PIK3C2G: variants seen among roughly 807,000 people sequenced by gnomAD.
PIK3C2G encodes phosphatidylinositol 3-kinase C2 domain-containing subunit gamma.
PIK3C2G carries 168 observed loss-of-function variants against 181.1 expected under a neutral mutation model. The ratio of observed to expected loss-of-function variants is 0.93; its 90% confidence interval spans 0.82 to 1.05. The LOEUF (loss-of-function observed/expected upper bound fraction) is 1.05. Ranked by LOEUF, PIK3C2G falls within the 50% of genes least tolerant of loss-of-function variation. The probability of loss-of-function intolerance (pLI) is 0.00; values close to 1 mark genes in which losing one functional copy is unlikely to be tolerated. For synonymous variants in PIK3C2G, 573 were observed against 592.2 expected (o/e 0.97, Z 0.47); for missense variants, 1,869 against 1,732.8 (o/e 1.08, Z -1.40).
downstream of PIK3C2G, among the ~76,000 whole-genome samples, chr12:18,652,583 A>G (rs1051353128): frequency 6.6e-6 from 1 of 152,128 alleles, no homozygotes; most frequent in Non-Finnish European, 1.5e-5. Flanking sequence ...TTGGGTCATC[A>G]TCTGTTGTGT....
chr12:18,373,479 G>C lies in PIK3C2G; in HGVS notation c.1880+2168G>C, dbSNP rs117105790. On this transcript the variant is annotated intron_variant, in intron 13 of 32. Transcript: ENST00000538779. ...TGATTAAACTCAGATAAATCAGTTA[G>C]GGCTGCATCAACAAAGTCTGAAAAT... 7.1e-3 allele frequency among the ~76,000 whole-genome samples: 1,075 copies of C among 152,262 alleles called. 46 individuals carry two copies. Among genetic ancestry groups the C allele is most frequent in the East Asian group, 0.049 (254 of 5,178 alleles).
chr12:18,252,259 C>T (rs1948102428), intron 1 of PIK3C2G, among the ~76,000 whole-genome samples: 1 of 152,122 alleles, frequency 6.6e-6, no homozygotes, highest in African/African-American at 2.4e-5. Context: ...AGGTTAGTCT[C>T]TCACCCTGCT....
chr12:18,711,411 C>T, the PIK3C2G span, among the ~76,000 whole-genome samples: 2 of 146,296 alleles, frequency 1.4e-5, no homozygotes, highest in African/African-American at 2.5e-5. Flanking sequence ...GGAGGGATAG[C>T]ATTAGGAGAT....
chr12:18,394,680 A>G (rs746007247), intron 15 of PIK3C2G, among the ~76,000 whole-genome samples: 2 of 152,038 alleles, frequency 1.3e-5, no homozygotes, highest in African/African-American at 4.8e-5. Context: ...AAATGGGCTT[A>G]ATAGATTGTG....
the PIK3C2G span, among the ~76,000 whole-genome samples, chr12:18,658,335 G>A: frequency 6.6e-6 from 1 of 152,074 alleles, no homozygotes; most frequent in Non-Finnish European, 1.5e-5. Context: ...ACATCCAAGA[G>A]GCTCAACAAA....
chr12:18,455,056 A>G (rs550659503), intron 18 of PIK3C2G, among the ~76,000 whole-genome samples: 1 of 152,300 alleles, frequency 6.6e-6, no homozygotes, highest in Non-Finnish European at 1.5e-5. Flanking sequence ...AGCTCACTCA[A>G]GTGATTGCTG....
intron 27 of PIK3C2G, 96 bp from the exon 28 acceptor site, chr12:18,563,281 G>T: frequency 1.8e-6 from 2 of 1,096,776 alleles, no homozygotes; most frequent in Non-Finnish European, 2.6e-6. Context: ...TTGCAGAAAG[G>T]TACTTCCTTT....
chr12:18,321,924 C>G (rs1278519079), intron 7 of PIK3C2G, among the ~76,000 whole-genome samples: 1 of 152,124 alleles, frequency 6.6e-6, no homozygotes, highest in Non-Finnish European at 1.5e-5. Flanking sequence ...GAACAACACA[C>G]ACTGGGGCCC....
At chr12:18,443,208 A>T (rs1195418282) in intron 18 of PIK3C2G, among the ~76,000 whole-genome samples, 1 of 152,114 alleles carries the variant, frequency 6.6e-6, no homozygotes. Flanking sequence ...ATTACCTGGA[A>T]CCTAAACTGA....
rs1044109683 is a variant in PIK3C2G, at chr12:18,538,262, TATA to T, written c.3434_3436del (p.Asn1145del). The stretch of plus-strand genomic sequence containing the variant: ...TTTTGTGGAACTTTGCTGTCGTGCT[TATA>T]ATATTATCAGAAAGCACAGCCAACT... On this transcript the variant is annotated inframe_deletion, in exon 25 of 33. Coordinates refer to ENST00000538779, the MANE Select transcript of PIK3C2G (RefSeq NM_001288772.2). 6.2e-7 allele frequency: 1 copy of T among 1,611,964 alleles called. No individual in the cohort carries two copies. The highest frequency in any genetic ancestry group is 1.3e-5 in the African/African-American group (1 of 74,748).
chr12:18,297,698 C>A (rs780562946), intron 5 of PIK3C2G, among the ~76,000 whole-genome samples: 1 of 151,934 alleles, frequency 6.6e-6, no homozygotes, highest in Non-Finnish European at 1.5e-5. Context: ...CATCCCATAC[C>A]CTTCCCAGGC....
At chr12:18,673,050 C>T in the PIK3C2G span, among the ~76,000 whole-genome samples, 2 of 151,942 alleles carry the variant, frequency 1.3e-5, no homozygotes, top group Non-Finnish European at 2.9e-5. Context: ...CAAAGTGGTA[C>T]ATAGAAGAGA....
At chr12:18,594,757 G>C (rs867029580) in intron 30 of PIK3C2G, among the ~76,000 whole-genome samples, 188 bp downstream of exon 30, 12 of 151,896 alleles carry the variant, frequency 7.9e-5, no homozygotes, top group Non-Finnish European at 1.5e-4. Flanking sequence ...TAAAACATGA[G>C]GTTGTAGAAT....
intron 32 of PIK3C2G, among the ~76,000 whole-genome samples, chr12:18,646,070 G>T (rs1950114809): frequency 6.6e-6 from 1 of 152,120 alleles, no homozygotes; most frequent in Non-Finnish European, 1.5e-5. Context: ...AGGCAGCATT[G>T]GGCATCCAGT....
intron 11 of PIK3C2G, among the ~76,000 whole-genome samples, chr12:18,356,869 T>A (rs1485822052): frequency 8.6e-6 from 1 of 115,734 alleles, no homozygotes. Context: ...TTTATGGTTA[T>A]AGGATGGGGC....
At chr12:18,671,638 A>G in the PIK3C2G span, among the ~76,000 whole-genome samples, 1 of 152,310 alleles carries the variant, frequency 6.6e-6, no homozygotes, top group African/African-American at 2.4e-5. Flanking sequence ...AGTGGCTACT[A>G]TATTGGATAT....
Position 18,648,076 on chromosome 12 carries a change from TC to T in PIK3C2G, c.*49del. 1 of 1,281,692 alleles carries T rather than the reference TC, an allele frequency of 7.8e-7. No homozygotes were observed. Among genetic ancestry groups the T allele is most frequent in the Non-Finnish European group, 1.1e-6 (1 of 940,498 alleles). 79.4% of individuals were successfully genotyped at this position (1,281,692 alleles called of 1,614,324 possible). ...TATTCATTAACTACTTGTATTTTTTTCACTTCTGGGCCTCTGAATCACATAA... is the reference window on the plus strand; with the variant it reads ...TATTCATTAACTACTTGTATTTTTTTACTTCTGGGCCTCTGAATCACATAA... On this transcript the variant is annotated 3_prime_UTR_variant, in exon 33 of 33. Transcript: ENST00000538779.
chr12:18,497,190 C>G (rs1441476144), intron 21 of PIK3C2G, among the ~76,000 whole-genome samples: 1 of 152,102 alleles, frequency 6.6e-6, no homozygotes, highest in African/African-American at 2.4e-5. Flanking sequence ...TCAAGAAGCT[C>G]TTGGTATTCT....
intron 9 of PIK3C2G, 89 bp downstream of exon 9, chr12:18,338,637 A>T: frequency 1.2e-6 from 1 of 840,038 alleles, no homozygotes; most frequent in Non-Finnish European, 2.0e-6. Flanking sequence ...TAACAACTAT[A>T]TTTCCGTGTG....
Sources: gnomAD v4.1 joint callset for allele counts (sites outside exome capture counted in the v4.1 genomes callset) on GRCh38, gnomAD v4.1.1 for gene constraint, MANE v1.5 for transcripts, NCBI Gene and HGNC (gene_info 2026-07-23, HGNC 2026-07-21) for gene names.